Variants in AFF3 observed in about 807,000 individuals in gnomAD.
The protein encoded by AFF3 is AF4/FMR2 family member 3.
AFF3 carries 32 observed loss-of-function variants against 129.7 expected under a neutral mutation model. The observed-to-expected ratio is 0.25, with a 90% CI of 0.19 to 0.33. The LOEUF (loss-of-function observed/expected upper bound fraction) is 0.33. Among genes scored for constraint, AFF3 ranks in the 10% least tolerant of loss-of-function variants. The pLI is 1.00. For synonymous variants in AFF3, 644 were observed against 635.4 expected (o/e 1.01, Z -0.20); for missense variants, 1,373 against 1,592.0 (o/e 0.86, Z 2.34).
chr2:99,664,989 C>T (rs1686551699), intron 12 of AFF3, among the ~76,000 whole-genome samples: 1 of 152,174 alleles, frequency 6.6e-6, no homozygotes, highest in South Asian at 2.1e-4. Flanking sequence ...GCTGTGCCTC[C>T]AACATGAGTA....
chr2:99,656,888 C>T (rs1685794408), intron 12 of AFF3, among the ~76,000 whole-genome samples: 1 of 152,104 alleles, frequency 6.6e-6, no homozygotes, highest in African/African-American at 2.4e-5. Context: ...TTGACCTCAT[C>T]CCATTCTCTA....
At chr2:99,914,930 TA>T (rs1469297183) in intron 7 of AFF3, among the ~76,000 whole-genome samples, 1 of 151,272 alleles carries the variant, frequency 6.6e-6, no homozygotes, top group Non-Finnish European at 1.5e-5. Context: ...ATTAATTAAT[TA>T]AAATAAAATA....
At chr2:99,912,161 G>T (rs1695147283) in intron 7 of AFF3, among the ~76,000 whole-genome samples, 1 of 152,162 alleles carries the variant, frequency 6.6e-6, no homozygotes, top group Non-Finnish European at 1.5e-5. Context: ...TTCTACAAGA[G>T]ATTAGCCTAT....
chr2:100,057,128 G>A (rs933195278), intron 4 of AFF3, among the ~76,000 whole-genome samples: 1 of 151,978 alleles, frequency 6.6e-6, no homozygotes, highest in Non-Finnish European at 1.5e-5. Context: ...CGAGACCAGC[G>A]TGGCCAACAC....
intron 8 of AFF3, among the ~76,000 whole-genome samples, chr2:99,825,913 T>G (rs1688045758): frequency 6.6e-6 from 1 of 152,218 alleles, no homozygotes; most frequent in Admixed American, 6.5e-5. Flanking sequence ...TAGGGGATGG[T>G]ACCTTGAACC....
chr2:100,043,475 T>C (rs1685597833), intron 4 of AFF3, among the ~76,000 whole-genome samples: 1 of 152,156 alleles, frequency 6.6e-6, no homozygotes, highest in African/African-American at 2.4e-5. Context: ...TCTGAGGCCA[T>C]GCAAAATGAA....
At chr2:99,777,874 G>A (rs760009345) in intron 8 of AFF3, among the ~76,000 whole-genome samples, 4 of 147,428 alleles carry the variant, frequency 2.7e-5, no homozygotes, top group Admixed American at 6.9e-5. Flanking sequence ...TGTACACCCT[G>A]GCCCTGGGAG....
Position 99,593,828 on chromosome 2 carries a change from C to T in AFF3, c.1833G>A (p.Ala611=), listed in dbSNP as rs2104978360. 1.9e-6 allele frequency: 3 copies of T among 1,605,926 alleles called. No individual in the cohort carries two copies. Among genetic ancestry groups the T allele is most frequent in the Admixed American group, 1.7e-5 (1 of 59,362 alleles). Residue 611 remains alanine (A), a synonymous_variant, in exon 15 of 25, where the codon GCG becomes GCA. Coordinates refer to ENST00000672756, the MANE Select transcript of AFF3 (RefSeq NM_001386135.1). ...NCHRPEEPAA[A]DALGTSVVVP... is the part of the protein sequence containing the mutation. ...CCACCACGCTCGTCCCCAGCGCGTCCGCGGCCGCGGGCTCCTCGGGCCGGT... is the reference window on the plus strand; with the variant it reads ...CCACCACGCTCGTCCCCAGCGCGTCTGCGGCCGCGGGCTCCTCGGGCCGGT...
At chr2:99,900,816 A>ATGCCCATGACGAAAGGCTGTCTGGCAGG (rs1694291230) in intron 7 of AFF3, among the ~76,000 whole-genome samples, 1 of 152,184 alleles carries the variant, frequency 6.6e-6, no homozygotes, top group African/African-American at 2.4e-5. Context: ...AAAGGGGGAA[A>ATGCCCATGACGAAAGGCTGTCTGGCAGG]TGCCCATGAC....
At chr2:99,667,243 G>A (rs1054443867) in intron 12 of AFF3, among the ~76,000 whole-genome samples, 2 of 152,082 alleles carry the variant, frequency 1.3e-5, no homozygotes, top group African/African-American at 2.4e-5. Flanking sequence ...GATTAAGGGC[G>A]ATCTCTGAGC....
Position 100,105,574 on chromosome 2 carries a change from A to G in AFF3, c.-135T>C, listed in dbSNP as rs903979281. 57 of 1,332,824 alleles carry G rather than the reference A, an allele frequency of 4.3e-5. No individual in the cohort carries two copies. Among genetic ancestry groups the G allele is most frequent in the Middle Eastern group, 2.0e-4 (1 of 4,900 alleles). The allele number at this position is 1,332,824 out of a possible 1,614,324, so 82.6% of individuals were successfully genotyped here. On this transcript the variant is annotated 5_prime_UTR_variant, in exon 3 of 25. Transcript: ENST00000672756. ...CCGCCCGTCTCCGGTCTGGAAAGGC[A>G]GGTGATCAGCTAGAAGGGTGATAAG...
rs763161925 is a variant in AFF3, at chr2:99,593,246, G to C, written c.2415C>G (p.Thr805=). The part of the protein sequence containing the change: ...KDSESAPPSH[T]SDTPAEKALP... ...AAGCCTTTTCTGCAGGTGTGTCCGA[G>C]GTGTGGCTGGGCGGTGCGCTCTCAG... The change falls in exon 15 of 25, where the codon ACC becomes ACG. Residue 805 remains threonine, a synonymous_variant. Coordinates refer to ENST00000672756, the MANE Select transcript of AFF3 (RefSeq NM_001386135.1). 6.2e-6 allele frequency: 10 copies of C among 1,610,574 alleles called. No homozygotes were observed. Among genetic ancestry groups the C allele is most frequent in the Non-Finnish European group, 5.9e-6 (7 of 1,177,580 alleles).
At chr2:99,896,455 G>T (rs1033115139) in intron 7 of AFF3, among the ~76,000 whole-genome samples, 11 of 151,816 alleles carry the variant, frequency 7.2e-5, no homozygotes, top group African/African-American at 2.7e-4. Context: ...GGAGTCTCTG[G>T]TTCTTGGAGT....
At chr2:99,936,876 C>T (rs1421241235) in intron 7 of AFF3, among the ~76,000 whole-genome samples, 2 of 152,186 alleles carry the variant, frequency 1.3e-5, no homozygotes, top group African/African-American at 4.8e-5. Flanking sequence ...TGGCACTTTT[C>T]ATAAGCAGTG....
At chr2:99,643,301 G>A (rs756794660) in intron 13 of AFF3, among the ~76,000 whole-genome samples, 5 of 151,842 alleles carry the variant, frequency 3.3e-5, no homozygotes, top group Admixed American at 6.6e-5. Flanking sequence ...CTTGTGATCC[G>A]CCCGCCTTGG....
At chr2:99,587,769 T>G (rs1469553947) in intron 15 of AFF3, among the ~76,000 whole-genome samples, 1 of 152,164 alleles carries the variant, frequency 6.6e-6, no homozygotes. Context: ...CCCAGCACTT[T>G]GGGAGGCCGA....
At chr2:99,774,087 G>A (rs748814220) in intron 8 of AFF3, among the ~76,000 whole-genome samples, 1 of 152,136 alleles carries the variant, frequency 6.6e-6, no homozygotes, top group African/African-American at 2.4e-5. Flanking sequence ...AATCAGAGAT[G>A]ACACAAACAA....
intron 7 of AFF3, among the ~76,000 whole-genome samples, chr2:99,861,053 T>A (rs966344582): frequency 1.3e-5 from 2 of 152,164 alleles, no homozygotes; most frequent in African/African-American, 4.8e-5. Context: ...ATTTAGTGAT[T>A]CTCTCCTTTG....
intron 8 of AFF3, among the ~76,000 whole-genome samples, chr2:99,759,578 G>A (rs181727066): frequency 8.5e-4 from 129 of 152,210 alleles, no homozygotes; most frequent in African/African-American, 3.0e-3. Flanking sequence ...AAGTATTTCC[G>A]TGTGATTTTT....
Sources: allele counts gnomAD v4.1 joint callset (sites outside exome capture counted in the v4.1 genomes callset), GRCh38; gene constraint gnomAD v4.1.1; transcripts MANE v1.5; gene names NCBI Gene and HGNC (gene_info 2026-07-23, HGNC 2026-07-21).